The following SYNE1 variants were observed in gnomAD, a reference collection of about 807,000 sequenced individuals.
SYNE1 encodes the protein nesprin-1.
A neutral mutation model predicts 1,111.0 loss-of-function variants in SYNE1; 616 were observed. That is an observed-to-expected ratio of 0.55 (90% confidence interval 0.52 to 0.59). The LOEUF (loss-of-function observed/expected upper bound fraction) is 0.59. Ranked by LOEUF, SYNE1 falls within the 20% of genes least tolerant of loss-of-function variation. The probability of loss-of-function intolerance (pLI) is 0.00; values close to 1 mark genes in which losing one functional copy is unlikely to be tolerated. For synonymous variants in SYNE1, 3,855 were observed against 3,825.8 expected (o/e 1.01, Z -0.28); for missense variants, 10,006 against 10,417.0 (o/e 0.96, Z 1.72).
chr6:152,566,071 T>C (rs893555813), intron 3 of SYNE1, among the ~76,000 whole-genome samples: 4 of 152,142 alleles, frequency 2.6e-5, no homozygotes, highest in Admixed American at 6.6e-5. Context: ...TGAAAAATTA[T>C]TTTTTTCTTC....
chr6:152,361,101 G>A (rs1368413544), intron 64 of SYNE1, among the ~76,000 whole-genome samples: 1 of 152,212 alleles, frequency 6.6e-6, no homozygotes, highest in Non-Finnish European at 1.5e-5. Context: ...TAAGTAGGAG[G>A]TTGCCAGGGG....
chr6:152,362,506 C>T (rs982040899), intron 63 of SYNE1, among the ~76,000 whole-genome samples, 183 bp from the exon 64 acceptor site: 1 of 152,108 alleles, frequency 6.6e-6, no homozygotes, highest in African/African-American at 2.4e-5. Context: ...AGGGCAGCCT[C>T]AGGAAGCAAG....
At chr6:152,155,401 G>A (rs2061209069) in intron 132 of SYNE1, 1 of 314,504 alleles carries the variant, frequency 3.2e-6, no homozygotes, top group African/African-American at 2.2e-5. Context: ...ATAAAGACGA[G>A]GTCGGAAAAT....
rs1267631281 is a variant in SYNE1 at position 152,331,165 on chromosome 6, T to C, written c.13520A>G (p.Gln4507Arg). ...KSAQASLKTY[Q>R]NEVTGLWAQG... ...GGCCCAAAGTCCAGTGACTTCATTT[T>C]GGTAAGTCTTGAGGCTGGCTTGTGC... The change falls in exon 78 of 146, where the codon CAA becomes CGA. Residue 4507 changes from glutamine (Q) to arginine (R), a missense_variant. Physicochemically the swap from Gln to Arg is conservative, Grantham distance 43. Coordinates refer to ENST00000367255, the MANE Select transcript of SYNE1 (RefSeq NM_182961.4). 6 of 1,614,028 alleles carry C rather than the reference T, an allele frequency of 3.7e-6. No individual in the cohort carries two copies. Among genetic ancestry groups the C allele is most frequent in the Non-Finnish European group, 5.1e-6 (6 of 1,180,040 alleles).
In SYNE1 at chr6:152,453,567, C is replaced by T; in HGVS notation, c.3027+19G>A. ...CCTTCATTGAGGATGCACGGTGTCT[C>T]CGTCCTGTCCTGACTCACCTTCCAT... On this transcript the variant is annotated intron_variant, in intron 25 of 145. Transcript: ENST00000367255. The T allele has an allele frequency of 1.9e-6, 3 of 1,614,212 alleles. No individual in the cohort carries two copies. The highest frequency in any genetic ancestry group is 2.5e-6 in the Non-Finnish European group (3 of 1,180,026).
At chr6:152,214,329 T>C (rs2078150251) in intron 122 of SYNE1, among the ~76,000 whole-genome samples, 1 of 152,210 alleles carries the variant, frequency 6.6e-6, no homozygotes, top group Admixed American at 6.5e-5. Flanking sequence ...TAAAGTGCTA[T>C]TTAGTACACT....
At chr6:152,345,090 G>A (rs2096607388) in intron 73 of SYNE1, among the ~76,000 whole-genome samples, 1 of 152,014 alleles carries the variant, frequency 6.6e-6, no homozygotes, top group Non-Finnish European at 1.5e-5. Context: ...CTTATTCCAA[G>A]CAGAATTTTT....
Position 152,364,931 on chromosome 6 carries a change from T to G in SYNE1, c.10061A>C (p.Glu3354Ala). The G allele has an allele frequency of 6.2e-7, 1 of 1,614,226 alleles. No homozygotes were observed. ...GESVLQNTSP[E>A]GIPTIQQQLQ... ...CTGCTGCTGAATAGTGGGAATGCCT[T>G]CTGGAGAAGTATTCTGAAGGACAGA... Residue 3354 changes from glutamate to alanine, a missense_variant, in exon 63 of 146, where the codon GAA (glutamate) becomes GCA (alanine). Glu to Ala is a moderately radical substitution (Grantham distance 107). Transcript: ENST00000367255.
intron 14 of SYNE1, among the ~76,000 whole-genome samples, chr6:152,475,107 A>C (rs1233340719): frequency 6.6e-6 from 1 of 152,194 alleles, no homozygotes; most frequent in Non-Finnish European, 1.5e-5. Context: ...AGATACACCT[A>C]ATCATTAAGA....
intron 3 of SYNE1, among the ~76,000 whole-genome samples, chr6:152,616,432 C>T (rs1023624053): frequency 2.6e-5 from 4 of 152,032 alleles, no homozygotes; most frequent in Non-Finnish European, 4.4e-5. Flanking sequence ...AAAAATTAGC[C>T]AGGCATGGTG....
At position 152,213,586 on chromosome 6, in the gene SYNE1, C is replaced by T. The variant is rs144621095; in HGVS notation, c.22494+26G>A. The T allele has an allele frequency of 6.0e-5, 97 of 1,613,676 alleles. No homozygotes were observed. The African/African-American group carries it at 1.0e-3, about 17-fold the overall frequency. On this transcript the variant is annotated intron_variant, in intron 123 of 145. Transcript: ENST00000367255. ...CTAAGGGCCTAAAAATTTCTTATTA[C>T]CCCCAAATCTACTGATACAACTTAC...
rs1275855602 is a variant in SYNE1 at position 152,230,640 on chromosome 6, CA to C, written c.21101del (p.Leu7034ArgfsTer12). 6.2e-7 allele frequency: 1 copy of C among 1,614,024 alleles called. No homozygotes were observed. The highest frequency in any genetic ancestry group is 8.5e-7 in the Non-Finnish European group (1 of 1,179,952). ...WSEYENNVQC[L>X]KTWFETQEKR... The stretch of plus-strand genomic sequence containing the variant: ...TTTCCTGGGTTTCAAACCATGTTTT[CA>C]GACATTGTACATTATTTTCATATTC... On this transcript the variant is annotated frameshift_variant, in exon 115 of 146. Transcript: ENST00000367255. LOFTEE classifies it high-confidence loss of function.
intron 25 of SYNE1, 94 bp from the exon 26 acceptor site, chr6:152,451,299 A>C: frequency 3.0e-6 from 4 of 1,315,508 alleles, no homozygotes; most frequent in Non-Finnish European, 4.3e-6. Context: ...AAAAACCATA[A>C]CATATTCCTT....
rs777685625 is a variant in SYNE1 at position 152,395,654 on chromosome 6, C to A, written c.7574G>T (p.Arg2525Ile). ...TTCATGGATCCATAAGTTCAGTTTT[C>A]TGTGCTGATCTTCAAAGCTAAGGGA... Reference protein sequence around the residue: ...SELGSFEDQHRKLNLWIHEME... With the variant: ...SELGSFEDQHIKLNLWIHEME... The change falls in exon 51 of 146, where the codon AGA becomes ATA. Residue 2525 changes from arginine to isoleucine, a missense_variant. Around this residue, in one of 7 missense-constraint regions of SYNE1, gnomAD observed 4,955 missense variants for 5,017.2 expected, o/e 0.99. Transcript: ENST00000367255. 1.2e-6 allele frequency: 2 copies of A among 1,614,122 alleles called. No individual in the cohort carries two copies. Among genetic ancestry groups the A allele is most frequent in the Admixed American group, 1.7e-5 (1 of 60,024 alleles).
At chr6:152,323,868 A>T in intron 81 of SYNE1, 131 bp from the exon 82 acceptor site, 1 of 1,088,888 alleles carries the variant, frequency 9.2e-7, no homozygotes. Flanking sequence ...ACATGTTAGG[A>T]AACTGGAACC....
At chr6:152,320,448 T>C (rs2095844891) in intron 84 of SYNE1, among the ~76,000 whole-genome samples, 1 of 152,202 alleles carries the variant, frequency 6.6e-6, no homozygotes, top group Admixed American at 6.5e-5. Context: ...TTGTAGTATG[T>C]CTTCTCTTTG....
Position 152,352,118 on chromosome 6 carries a change from T to C in SYNE1, c.11489A>G (p.Gln3830Arg), listed in dbSNP as rs1360990012. The C allele has an allele frequency of 5.6e-6, 9 of 1,614,142 alleles. No homozygotes were observed. The highest frequency in any genetic ancestry group is 7.6e-6 in the Non-Finnish European group (9 of 1,180,048). The change falls in exon 70 of 146, where the codon CAG becomes CGG. Residue 3830 changes from glutamine (Q) to arginine (R), a missense_variant. Physicochemically the swap from Gln to Arg is conservative, Grantham distance 43 (BLOSUM62 1). This residue lies in a region of SYNE1 where 4,955 missense variants were observed against 5,017.2 expected (regional missense o/e 0.99). Transcript: ENST00000367255. ...EFSDKCKALT[Q>R]WIAEYQEILH... ...AATTTCCTGGTATTCTGCTATCCAC[T>C]GTGTCAGTGCTTTGCATTTATCTGA...
chr6:152,314,495 T>C (rs892349894), intron 87 of SYNE1, among the ~76,000 whole-genome samples: 1 of 152,146 alleles, frequency 6.6e-6, no homozygotes, highest in Non-Finnish European at 1.5e-5. Context: ...CACACTCCTG[T>C]GGGCTCCTTC....
intron 72 of SYNE1, among the ~76,000 whole-genome samples, chr6:152,349,508 C>G (rs2154030044): frequency 6.6e-6 from 1 of 152,300 alleles, no homozygotes; most frequent in South Asian, 2.1e-4. Flanking sequence ...ATGCCTTTGG[C>G]TGCATTTTCT....
Sources: gnomAD v4.1 joint callset for allele counts (sites outside exome capture counted in the v4.1 genomes callset) on GRCh38, gnomAD v4.1.1 for gene constraint, gnomAD v4.1.1 regional missense constraint, MANE v1.5 for transcripts, NCBI Gene and HGNC (gene_info 2026-07-23, HGNC 2026-07-21) for gene names.